Variants in DMTN observed in about 807,000 individuals in gnomAD.
The protein encoded by DMTN is dematin.
Under a neutral mutation model 59.4 loss-of-function variants are expected in DMTN, and 27 were observed. That is an observed-to-expected ratio of 0.45 (90% CI 0.33 to 0.63). The LOEUF (loss-of-function observed/expected upper bound fraction) is 0.63, where lower values mean the gene tolerates loss of function less well. DMTN is among the 20% of genes least tolerant of loss of function. DMTN has a pLI of 0.02. For synonymous variants in DMTN, 221 were observed against 203.7 expected (o/e 1.08, Z -0.72); for missense variants, 451 against 528.9 (o/e 0.85, Z 1.45).
intron 14 of DMTN, 68 bp from the exon 15 acceptor site, chr8:22,081,045 G>T: frequency 6.5e-7 from 1 of 1,534,268 alleles, no homozygotes; most frequent in Non-Finnish European, 9.0e-7. Context: ...AGGTTGATGT[G>T]GGAGGCCTAG....
At position 22,081,336 on chromosome 8, in the gene DMTN, A is replaced by G; in HGVS notation, c.1105-14A>G. On this transcript the variant is annotated splice_polypyrimidine_tract_variant and intron_variant, in intron 15 of 15. Coordinates refer to ENST00000358242, the MANE Select transcript of DMTN (RefSeq NM_001387751.1). ...TCCCCCTCCATGCTGAGCTGCCCCG[A>G]TTCCCCCATGTAGAGGCATCTGTCT... 6.2e-7 allele frequency: 1 copy of G among 1,612,726 alleles called. No individual in the cohort carries two copies. The highest frequency in any genetic ancestry group is 8.5e-7 in the Non-Finnish European group (1 of 1,179,004).
At chr8:22,073,918 C>A (rs1817772732) in intron 10 of DMTN, 83 bp downstream of exon 10, 2 of 1,147,392 alleles carry the variant, frequency 1.7e-6, no homozygotes, top group African/African-American at 1.5e-5. Context: ...GTGACACATA[C>A]AGGATGCAAT....
In DMTN at chr8:22,080,196, G is replaced by A. The variant is rs61739460; in HGVS notation, c.852G>A (p.Thr284=). The A allele has an allele frequency of 1.9e-3, 2,992 of 1,614,182 alleles. 55 individuals carry two copies. In the African/African-American group the frequency reaches 0.032, roughly 17 times the overall value. The change falls in exon 11 of 16, where the codon ACG becomes ACA. Residue 284 remains threonine (T), a synonymous_variant. Coordinates refer to ENST00000358242, the MANE Select transcript of DMTN (RefSeq NM_001387751.1). ...GTCTTCCAGCCTTGCACCAGGGAAC[G>A]TCTAAATCTTCCTCTCTCCCCGCCT... is the stretch of plus-strand genomic sequence containing the variant. ...TPFHTSLHQG[T]SKSSSLPAYG... is the part of the protein sequence containing the mutation.
chr8:22,069,225 C>A, intron 5 of DMTN, 165 bp downstream of exon 5: 1 of 934,788 alleles, frequency 1.1e-6, no homozygotes, highest in Admixed American at 2.9e-5. Flanking sequence ...CTGTCGGACC[C>A]AGGACCTCAA....
At chr8:22,050,268 G>C (rs1438643358), upstream of DMTN, among the ~76,000 whole-genome samples, 2 of 152,078 alleles carry the variant, frequency 1.3e-5, no homozygotes, top group Admixed American at 6.6e-5. Context: ...AGGGTTGGGG[G>C]CCCCCCAGGT....
chr8:22,056,434 A>T (rs1802605688), upstream of DMTN, among the ~76,000 whole-genome samples: 2 of 152,078 alleles, frequency 1.3e-5, no homozygotes, highest in South Asian at 4.1e-4. Flanking sequence ...ATAGGGTAGG[A>T]GGTGCAGGTG....
At chr8:22,076,724 G>A (rs569326093) in intron 10 of DMTN, among the ~76,000 whole-genome samples, 2 of 151,868 alleles carry the variant, frequency 1.3e-5, no homozygotes, top group African/African-American at 2.4e-5. Flanking sequence ...TGACACCTGG[G>A]TGTCCTATTT....
chr8:22,050,139 C>T (rs1801194944), upstream of DMTN, among the ~76,000 whole-genome samples: 1 of 152,174 alleles, frequency 6.6e-6, no homozygotes, highest in East Asian at 1.9e-4. Context: ...GAAGACCGCG[C>T]CGTGTTGGGG....
chr8:22,081,702 G>A lies in DMTN; in HGVS notation c.*239G>A. The A allele has an allele frequency of 1.7e-6, 1 of 589,560 alleles. No homozygotes were observed. The highest frequency in any genetic ancestry group is 3.1e-6 in the Non-Finnish European group (1 of 323,970). The allele number at this position is 589,560 out of a possible 1,614,324, so 36.5% of individuals were successfully genotyped here. A position where few individuals can be genotyped will look rare whatever the true frequency, so the allele number is the denominator to read the frequency against. On this transcript the variant is annotated 3_prime_UTR_variant, in exon 16 of 16. Transcript: ENST00000358242. ...TCCCTGCACAGGGCAAAGCCAGTCT[G>A]GGCTCTGGCACACAGAGTTCATGTT...
At chr8:22,055,963 T>TGTCTAGGTGC (rs34744892), upstream of DMTN, among the ~76,000 whole-genome samples, 1 of 152,144 alleles carries the variant, frequency 6.6e-6, no homozygotes, top group South Asian at 2.1e-4. Context: ...GGTAGGCAAG[T>TGTCTAGGTGC]CTGCGGTGTG....
chr8:22,079,261 A>T (rs1394527221), intron 10 of DMTN, among the ~76,000 whole-genome samples: 1 of 22,880 alleles, frequency 4.4e-5, no homozygotes, highest in African/African-American at 1.2e-4. Context: ...AATAAAAATA[A>T]ATAAATAAAT....
chr8:22,051,219 A>G (rs1362759844), upstream of DMTN, among the ~76,000 whole-genome samples: 6 of 152,294 alleles, frequency 3.9e-5, no homozygotes, highest in African/African-American at 1.4e-4. Flanking sequence ...AGCGGCCACC[A>G]GTGCCTCAAG....
Position 22,080,184 on chromosome 8 carries a change from G to C in DMTN, c.840G>C (p.Leu280Phe). The change falls in exon 11 of 16, where the codon TTG becomes TTC. Residue 280 changes from leucine to phenylalanine, a missense_variant. By Grantham distance (22) the Leu-to-Phe change is conservative. Transcript: ENST00000358242. ...LPDRTPFHTS[L>F]HQGTSKSSSL... Reference sequence around the variant, plus strand: ...GGACCTTTTGCTGTCTTCCAGCCTTGCACCAGGGAACGTCTAAATCTTCCT... The same window carrying C: ...GGACCTTTTGCTGTCTTCCAGCCTTCCACCAGGGAACGTCTAAATCTTCCT... 4 of 1,614,146 alleles carry C rather than the reference G, an allele frequency of 2.5e-6. No homozygotes were observed. The highest frequency in any genetic ancestry group is 1.3e-5 in the African/African-American group (1 of 75,062).
In DMTN at chr8:22,067,051, C is replaced by T. The variant is rs751477570; in HGVS notation, c.19-34C>T. The T allele has an allele frequency of 6.4e-6, 10 of 1,572,582 alleles. No individual in the cohort carries two copies. The South Asian group carries it at 9.1e-5, about 14-fold the overall frequency. ...CCCGCCCCGCTCCCGCACACACGCA[C>T]GTGCCCACCCGCCCGCCTTCTCGCT... On this transcript the variant is annotated intron_variant, in intron 2 of 15. Coordinates refer to ENST00000358242, the MANE Select transcript of DMTN (RefSeq NM_001387751.1).
intron 1 of DMTN, among the ~76,000 whole-genome samples, chr8:22,061,019 C>T (rs1805933251): frequency 6.6e-6 from 1 of 152,018 alleles, no homozygotes; most frequent in Non-Finnish European, 1.5e-5. Context: ...CACCTATGAT[C>T]CCAACATTTT....
chr8:22,072,214 T>A, intron 8 of DMTN, 112 bp from the exon 9 acceptor site: 1 of 1,350,120 alleles, frequency 7.4e-7, no homozygotes, highest in Non-Finnish European at 9.6e-7. Context: ...AAAAATTTTG[T>A]AGTGGCCTTA....
chr8:22,073,418 G>A (rs1386201375), intron 9 of DMTN, among the ~76,000 whole-genome samples: 1 of 152,002 alleles, frequency 6.6e-6, no homozygotes, highest in Non-Finnish European at 1.5e-5. Context: ...TTGAGCCCAG[G>A]ATTTTGAGAC....
chr8:22,080,333 G>T (rs1039001758), intron 11 of DMTN, 79 bp from the exon 12 acceptor site: 2 of 1,613,056 alleles, frequency 1.2e-6, no homozygotes, highest in South Asian at 1.1e-5. Flanking sequence ...CACCCTCAGG[G>T]AGCGGGGAGA....
At chr8:22,069,564 A>C (rs376609490) in intron 6 of DMTN, 46 bp downstream of exon 6, 1 of 1,485,590 alleles carries the variant, frequency 6.7e-7, no homozygotes, top group Non-Finnish European at 9.2e-7. Context: ...GACTTTCTCC[A>C]TCAGGAACCC....
Sources: allele counts gnomAD v4.1 joint callset (sites outside exome capture counted in the v4.1 genomes callset), GRCh38; gene constraint gnomAD v4.1.1; transcripts MANE v1.5; gene names NCBI Gene and HGNC (gene_info 2026-07-23, HGNC 2026-07-21).